Variants in ELP4 observed in about 807,000 individuals in gnomAD.
ELP4 encodes the protein elongator complex protein 4.
ELP4 carries 51 observed loss-of-function variants against 48.9 expected under a neutral mutation model. That is an observed-to-expected ratio of 1.04 (90% CI 0.83 to 1.32). ELP4 has a LOEUF of 1.32. Among genes scored for constraint, ELP4 ranks in the 40% most tolerant of loss-of-function variants. The pLI, the probability that ELP4 is intolerant of heterozygous loss-of-function variation, is 0.00. For synonymous variants in ELP4, 210 were observed against 189.2 expected (o/e 1.11, Z -0.90); for missense variants, 519 against 514.6 (o/e 1.01, Z -0.08).
At chr11:31,700,902 T>A (rs1247475411) in intron 9 of ELP4, among the ~76,000 whole-genome samples, 1 of 152,048 alleles carries the variant, frequency 6.6e-6, no homozygotes, top group African/African-American at 2.4e-5. Context: ...ATGTCATATA[T>A]AGTATAAATG....
intron 3 of ELP4, among the ~76,000 whole-genome samples, chr11:31,559,063 C>T (rs1956975256): frequency 6.6e-6 from 1 of 152,186 alleles, no homozygotes; most frequent in African/African-American, 2.4e-5. Flanking sequence ...CATATTATCC[C>T]ACTAAATGCA....
chr11:31,533,419 C>A (rs1956438016), intron 2 of ELP4, among the ~76,000 whole-genome samples: 1 of 131,270 alleles, frequency 7.6e-6, no homozygotes, highest in African/African-American at 3.1e-5. Context: ...GCTCTTTCGC[C>A]CAGGCCAGAC....
chr11:31,691,048 A>G (rs1301724845), intron 9 of ELP4, among the ~76,000 whole-genome samples: 1 of 152,002 alleles, frequency 6.6e-6, no homozygotes, highest in African/African-American at 2.4e-5. Context: ...AATGATACCC[A>G]GTCACAGGTA....
At chr11:31,603,948 A>T (rs1957827130) in intron 5 of ELP4, 41 bp downstream of exon 5, 1 of 1,561,126 alleles carries the variant, frequency 6.4e-7, no homozygotes, top group Non-Finnish European at 8.7e-7. Flanking sequence ...CTGATTTCAA[A>T]TATTAGTAGA....
chr11:31,755,071 A>G (rs1488074955), intron 9 of ELP4, among the ~76,000 whole-genome samples: 1 of 152,220 alleles, frequency 6.6e-6, no homozygotes, highest in East Asian at 1.9e-4. Flanking sequence ...AAAGTAAGGA[A>G]ACATTTAAAG....
At chr11:31,543,135 A>G (rs916717263) in intron 3 of ELP4, among the ~76,000 whole-genome samples, 1 of 152,240 alleles carries the variant, frequency 6.6e-6, no homozygotes, top group Non-Finnish European at 1.5e-5. Context: ...AGATTTTTGC[A>G]TTAGTGAGCT....
At chr11:31,641,116 G>T (rs1265709661) in intron 7 of ELP4, among the ~76,000 whole-genome samples, 2 of 152,016 alleles carry the variant, frequency 1.3e-5, no homozygotes, top group African/African-American at 4.8e-5. Flanking sequence ...AACTTTTTGT[G>T]TCAACATTAG....
intron 9 of ELP4, among the ~76,000 whole-genome samples, chr11:31,749,737 T>C (rs1407231481): frequency 6.6e-6 from 1 of 152,148 alleles, no homozygotes; most frequent in Non-Finnish European, 1.5e-5. Context: ...ACCACATAGA[T>C]AGTAATTCCT....
chr11:31,665,655 C>CTTTTTTTTTTTTTT (rs71060496), intron 9 of ELP4, among the ~76,000 whole-genome samples: 1 of 79,660 alleles, frequency 1.3e-5, no homozygotes. Context: ...GTCTCTCTTC[C>CTTTTTTTTTTTTTT]TTTTTTTTTT....
chr11:31,763,594 G>T, intron 9 of ELP4: 1 of 1,522,488 alleles, frequency 6.6e-7, no homozygotes. Context: ...ACTGAAAGAG[G>T]GATTTGTTCT....
chr11:31,535,824 G>A (rs183597617), intron 2 of ELP4, among the ~76,000 whole-genome samples: 58 of 152,228 alleles, frequency 3.8e-4, no homozygotes, highest in African/African-American at 6.5e-4. Context: ...ATAGAATATC[G>A]TGTAACTGCA....
intron 9 of ELP4, among the ~76,000 whole-genome samples, chr11:31,731,501 G>A (rs559325036): frequency 5.3e-5 from 8 of 151,330 alleles, no homozygotes; most frequent in South Asian, 2.1e-4. Flanking sequence ...AAATTATCCC[G>A]TCAGAGAAGC....
chr11:31,692,893 C>T (rs910351267), intron 9 of ELP4, among the ~76,000 whole-genome samples: 5 of 152,222 alleles, frequency 3.3e-5, no homozygotes, highest in African/African-American at 1.2e-4. Context: ...TCCGTTTATG[C>T]TCTGGTAGCA....
chr11:31,727,943 G>C (rs1947110455), intron 9 of ELP4: 1 of 152,060 alleles, frequency 6.6e-6, no homozygotes, highest in Non-Finnish European at 1.5e-5. Context: ...AGTATCTTAT[G>C]CATAGACCTA....
chr11:31,517,166 A>T (rs1416151513), intron 1 of ELP4, among the ~76,000 whole-genome samples: 1 of 152,266 alleles, frequency 6.6e-6, no homozygotes, highest in South Asian at 2.1e-4. Flanking sequence ...TGCAAGGCAA[A>T]AAATAAACAC....
chr11:31,608,111 C>T (rs935635821), intron 5 of ELP4, among the ~76,000 whole-genome samples: 3 of 151,052 alleles, frequency 2.0e-5, no homozygotes, highest in African/African-American at 7.3e-5. Context: ...AGATGGAGAA[C>T]GGAGGGCCCC....
intron 9 of ELP4, among the ~76,000 whole-genome samples, chr11:31,772,952 G>T (rs975280025): frequency 4.6e-5 from 7 of 152,344 alleles, no homozygotes; most frequent in Middle Eastern, 3.4e-3. Flanking sequence ...CTCTCTGGAA[G>T]AAACTCCTTT....
At chr11:31,771,888 G>A (rs550410750) in intron 9 of ELP4, among the ~76,000 whole-genome samples, 17 of 152,094 alleles carry the variant, frequency 1.1e-4, no homozygotes, top group South Asian at 4.2e-4. Flanking sequence ...AGGCTGAGGC[G>A]GGAGAATGGC....
intron 9 of ELP4, among the ~76,000 whole-genome samples, chr11:31,668,713 TGTGTGTGTAA>T (rs1945736223): frequency 2.1e-5 from 3 of 140,884 alleles, no homozygotes; most frequent in African/African-American, 8.9e-5. Flanking sequence ...TGTGTGTGTG[TGTGTGTGTAA>T]GAACCCTGTA....
Sources: gnomAD v4.1 joint callset for allele counts (sites outside exome capture counted in the v4.1 genomes callset) on GRCh38, gnomAD v4.1.1 for gene constraint, MANE v1.5 for transcripts, NCBI Gene and HGNC (gene_info 2026-07-23, HGNC 2026-07-21) for gene names.